Variants in LNX2 observed in about 807,000 individuals in gnomAD.
LNX2 encodes ligand of Numb protein X 2.
LNX2 carries 35 observed loss-of-function variants against 66.2 expected under a neutral mutation model. The observed-to-expected ratio is 0.53, with a 90% CI of 0.40 to 0.70. The LOEUF (loss-of-function observed/expected upper bound fraction) is 0.70, where lower values mean the gene tolerates loss of function less well. Ranked by LOEUF, LNX2 falls within the 30% of genes least tolerant of loss-of-function variation. The pLI is 0.00. For missense variants in LNX2, 791 were observed against 850.8 expected (o/e 0.93, Z 0.87); for synonymous variants, 337 against 315.6 (o/e 1.07, Z -0.72).
At chr13:27,577,001 C>A (rs1426241139) in intron 2 of LNX2, among the ~76,000 whole-genome samples, 1 of 152,022 alleles carries the variant, frequency 6.6e-6, no homozygotes, top group Non-Finnish European at 1.5e-5. Context: ...AGTGAAAAGA[C>A]AACTGACAGA....
rs1020391757 is a variant in LNX2, at chr13:27,569,245, G to A, written c.439C>T (p.Leu147=). 1.9e-6 allele frequency: 3 copies of A among 1,613,084 alleles called. No individual in the cohort carries two copies. The highest frequency in any genetic ancestry group is 1.7e-5 in the Admixed American group (1 of 59,892). Residue 147 remains leucine, a synonymous_variant, in exon 3 of 10, where the codon CTG becomes TTG. Transcript: ENST00000316334. ...GTTCTACTAGTTTTCCTTCTCTCCA[G>A]GGCAACTCTCCGATGAGAAGCTCCA... The part of the protein sequence containing the change: ...CPGASHRRVA[L]ERRKTSRTQA...
chr13:27,580,024 T>C (rs1041898754), intron 2 of LNX2, among the ~76,000 whole-genome samples: 1 of 152,246 alleles, frequency 6.6e-6, no homozygotes, highest in Non-Finnish European at 1.5e-5. Flanking sequence ...TAAATCTAAA[T>C]GTTTCCAACA....
chr13:27,597,497 C>A (rs1220942656), intron 1 of LNX2, among the ~76,000 whole-genome samples: 1 of 152,020 alleles, frequency 6.6e-6, no homozygotes, highest in African/African-American at 2.4e-5. Context: ...TGGGTATATG[C>A]ATGTAACGGG....
At chr13:27,570,417 G>A (rs1955264964) in intron 2 of LNX2, among the ~76,000 whole-genome samples, 1 of 152,134 alleles carries the variant, frequency 6.6e-6, no homozygotes, top group South Asian at 2.1e-4. Flanking sequence ...TTTCCCTCCT[G>A]AACTAAAGAT....
At chr13:27,582,178 C>T (rs772033445) in intron 1 of LNX2, among the ~76,000 whole-genome samples, 13 of 151,998 alleles carry the variant, frequency 8.6e-5, no homozygotes, top group South Asian at 8.3e-4. Flanking sequence ...TACAGGTGCA[C>T]GCCACCATGT....
rs2138298154 is a variant in LNX2, at chr13:27,546,611, T to C, written c.*1724A>G. On this transcript the variant is annotated 3_prime_UTR_variant, in exon 10 of 10. Transcript: ENST00000316334. ...AAACTAACTGAAATAATCAGTGACA[T>C]GCTACAGATACAATAAACCCCAGCA... 1 of 152,336 alleles carries C rather than the reference T, an allele frequency of 6.6e-6. No individual in the cohort carries two copies. The highest frequency in any genetic ancestry group is 2.1e-4 in the South Asian group (1 of 4,828). The allele number at this position is 152,336 out of a possible 1,614,324, so 9.4% of individuals were successfully genotyped here. A position where few individuals can be genotyped will look rare whatever the true frequency, so the allele number is the denominator to read the frequency against.
intron 3 of LNX2, 34 bp from the exon 4 acceptor site, chr13:27,567,873 AT>A: frequency 6.4e-7 from 1 of 1,571,212 alleles, no homozygotes; most frequent in Non-Finnish European, 8.8e-7. Context: ...ACAAAAACAG[AT>A]GTTAAAAAAA....
chr13:27,608,368 TC>T (rs1377665587), intron 1 of LNX2, among the ~76,000 whole-genome samples: 5 of 152,198 alleles, frequency 3.3e-5, no homozygotes, highest in Non-Finnish European at 7.4e-5. Flanking sequence ...CACTTTTCTA[TC>T]CCAAATATCT....
At chr13:27,570,645 G>A (rs1955267912) in intron 2 of LNX2, among the ~76,000 whole-genome samples, 2 of 152,170 alleles carry the variant, frequency 1.3e-5, no homozygotes, top group African/African-American at 2.4e-5. Flanking sequence ...CTTTTGTCAA[G>A]TAAGCAGGTT....
intron 2 of LNX2, among the ~76,000 whole-genome samples, chr13:27,580,612 A>T (rs2138391627): frequency 6.6e-6 from 1 of 152,310 alleles, no homozygotes; most frequent in East Asian, 1.9e-4. Flanking sequence ...TAAATTACTT[A>T]ACCTTTTAAA....
At chr13:27,558,709 A>G (rs866250716) in intron 6 of LNX2, among the ~76,000 whole-genome samples, 2 of 152,136 alleles carry the variant, frequency 1.3e-5, no homozygotes, top group African/African-American at 4.8e-5. Flanking sequence ...TTTAAAGGCA[A>G]ATTATAGGTT....
chr13:27,574,511 C>T (rs112506719), intron 2 of LNX2, among the ~76,000 whole-genome samples: 6,611 of 151,148 alleles, frequency 0.044, 208 homozygotes, highest in Non-Finnish European at 0.067. Flanking sequence ...TGAGATCATC[C>T]AGTCTGAGGA....
At chr13:27,560,567 A>G (rs182520908) in intron 5 of LNX2, among the ~76,000 whole-genome samples, 58 of 112,336 alleles carry the variant, frequency 5.2e-4, no homozygotes, top group East Asian at 2.6e-3. Flanking sequence ...GTATGTGTGT[A>G]TATATATATA....
chr13:27,565,903 G>C (rs1439898931), intron 4 of LNX2, among the ~76,000 whole-genome samples: 1 of 152,142 alleles, frequency 6.6e-6, no homozygotes, highest in Admixed American at 6.5e-5. Context: ...ATAGCCCCAA[G>C]TCTAGAGATT....
chr13:27,609,066 T>A (rs1185289626), intron 1 of LNX2, among the ~76,000 whole-genome samples: 1 of 152,202 alleles, frequency 6.6e-6, no homozygotes, highest in Non-Finnish European at 1.5e-5. Flanking sequence ...GTTCTGGGAT[T>A]ACAGGCATAA....
rs1566115697 is a variant in LNX2, at chr13:27,556,425, A to G, written c.1369-12T>C. Reference sequence around the variant, plus strand: ...CACTGAGTAAGATCCTAAAACATACAAGAAAAAAATCATTGGATAATGAAT... The same window carrying G: ...CACTGAGTAAGATCCTAAAACATACGAGAAAAAAATCATTGGATAATGAAT... On this transcript the variant is annotated splice_polypyrimidine_tract_variant and intron_variant, in intron 6 of 9. Transcript: ENST00000316334. 8.1e-6 allele frequency: 13 copies of G among 1,609,572 alleles called. No individual in the cohort carries two copies. Among genetic ancestry groups the G allele is most frequent in the Non-Finnish European group, 1.1e-5 (13 of 1,177,138 alleles).
intron 1 of LNX2, among the ~76,000 whole-genome samples, chr13:27,586,882 G>A (rs960663657): frequency 2.0e-5 from 3 of 152,170 alleles, no homozygotes; most frequent in Non-Finnish European, 4.4e-5. Flanking sequence ...AAAACAGCCA[G>A]TGCAATAGGA....
At chr13:27,583,306 C>T (rs562683771) in intron 1 of LNX2, among the ~76,000 whole-genome samples, 3 of 143,960 alleles carry the variant, frequency 2.1e-5, no homozygotes, top group Admixed American at 2.1e-4. Context: ...TGTTGCCCGG[C>T]TGGAGTACAG....
intron 1 of LNX2, among the ~76,000 whole-genome samples, chr13:27,608,294 ATAGAG>A (rs1717484902): frequency 6.6e-6 from 1 of 152,256 alleles, no homozygotes; most frequent in African/African-American, 2.4e-5. Context: ...TGTTATCAAA[ATAGAG>A]TAATCATACT....
Sources: allele counts gnomAD v4.1 joint callset (sites outside exome capture counted in the v4.1 genomes callset), GRCh38; gene constraint gnomAD v4.1.1; transcripts MANE v1.5; gene names NCBI Gene and HGNC (gene_info 2026-07-23, HGNC 2026-07-21).